PTGFRN: variants seen among roughly 807,000 people sequenced by gnomAD.
PTGFRN encodes prostaglandin F2 receptor inhibitor, also known as prostaglandin F2 receptor negative regulator.
In PTGFRN, 35 loss-of-function variants were observed where a neutral mutation model predicts 83.2. The ratio of observed to expected loss-of-function variants is 0.42; its 90% CI spans 0.32 to 0.56. The LOEUF is 0.56. Among genes scored for constraint, PTGFRN ranks in the 20% least tolerant of loss-of-function variants. PTGFRN has a pLI of 0.11. For synonymous variants in PTGFRN, 519 were observed against 498.6 expected (o/e 1.04, Z -0.55); for missense variants, 1,051 against 1,179.5 (o/e 0.89, Z 1.60).
intron 1 of PTGFRN, among the ~76,000 whole-genome samples, chr1:116,922,015 GA>G (rs1198323529): frequency 6.6e-6 from 1 of 152,178 alleles, no homozygotes; most frequent in Non-Finnish European, 1.5e-5. Context: ...ACTTCAGCTG[GA>G]AAAGTAATAG....
chr1:116,952,012 A>G lies in PTGFRN; in HGVS notation c.1213+2440A>G, dbSNP rs1214230795. ...GGTCATGTAACTCTGGAATGTTGTC[A>G]CAGAAAAGTTTTCGAGAGAGTTGGT... is the stretch of plus-strand genomic sequence containing the variant. On this transcript the variant is annotated intron_variant, in intron 4 of 8. Coordinates refer to ENST00000393203, the MANE Select transcript of PTGFRN (RefSeq NM_020440.4). The surrounding 1 kb of genome is among the most constrained non-coding windows in gnomAD (Gnocchi z 4.0). 2.6e-5 allele frequency among the ~76,000 whole-genome samples: 4 copies of G among 152,246 alleles called. No homozygotes were observed. The highest frequency in any genetic ancestry group is 6.5e-5 in the Admixed American group (1 of 15,284).
rs1191053416 is a variant in PTGFRN at position 116,966,873 on chromosome 1, CT to C, written c.1640-36del. 9 of 1,537,110 alleles carry C rather than the reference CT, an allele frequency of 5.9e-6. No homozygotes were observed. In the African/African-American group the frequency reaches 1.2e-4, roughly 21 times the overall value. ...TAGTTGCATTTTTATTTTAACTGAT[CT>C]TGTTGGAAATCACATCCTTCTGGTC... On this transcript the variant is annotated intron_variant, in intron 5 of 8. Transcript: ENST00000393203.
At chr1:116,926,329 T>C (rs951640172) in intron 1 of PTGFRN, among the ~76,000 whole-genome samples, 1 of 152,192 alleles carries the variant, frequency 6.6e-6, no homozygotes, top group African/African-American at 2.4e-5. Context: ...TGTTGGCCAG[T>C]TTGAACGTGG....
chr1:116,923,900 G>A lies in PTGFRN; in HGVS notation c.49+13648G>A, dbSNP rs1649593650. Among the ~76,000 whole-genome samples the A allele has an allele frequency of 6.6e-6, 1 of 152,120 alleles. No homozygotes were observed. Among genetic ancestry groups the A allele is most frequent in the Non-Finnish European group, 1.5e-5 (1 of 68,028 alleles). On this transcript the variant is annotated intron_variant, in intron 1 of 8. Transcript: ENST00000393203. This position sits in a 1 kb window ranked among gnomAD's most constrained non-coding sequence, Gnocchi z 4.0. ...GCACCTAAAAACATAGATCGACACA[G>A]TCCTTTGACTCCTCCAGCAACCAGT... is the stretch of plus-strand genomic sequence containing the variant.
Position 116,989,176 on chromosome 1 carries a change from T to A in PTGFRN, c.*2209T>A, listed in dbSNP as rs1651624766. On this transcript the variant is annotated 3_prime_UTR_variant, in exon 9 of 9. Coordinates refer to ENST00000393203, the MANE Select transcript of PTGFRN (RefSeq NM_020440.4). Reference sequence around the variant, plus strand: ...GGACTGAGTCACAGCAGACACTCGATGGTGGTAAATGTGATGGGTGCTTAC... The same window carrying A: ...GGACTGAGTCACAGCAGACACTCGAAGGTGGTAAATGTGATGGGTGCTTAC... The A allele has an allele frequency of 6.6e-6, 1 of 152,180 alleles. No individual in the cohort carries two copies. The highest frequency in any genetic ancestry group is 2.1e-4 in the South Asian group (1 of 4,834). The allele number at this position is 152,180 out of a possible 1,614,324, so 9.4% of individuals were successfully genotyped here. A position where few individuals can be genotyped will look rare whatever the true frequency, so the allele number is the denominator to read the frequency against.
chr1:116,922,840 G>A (rs1649571690), intron 1 of PTGFRN, among the ~76,000 whole-genome samples: 1 of 152,162 alleles, frequency 6.6e-6, no homozygotes, highest in Non-Finnish European at 1.5e-5. Flanking sequence ...CCTCCCACCA[G>A]TCCTTAGAAA....
chr1:116,957,554 T>C (rs1650534363), intron 4 of PTGFRN, among the ~76,000 whole-genome samples: 1 of 152,194 alleles, frequency 6.6e-6, no homozygotes, highest in African/African-American at 2.4e-5. Context: ...GAAATATGTA[T>C]ACATTGTTGA....
At position 116,918,582 on chromosome 1, in the gene PTGFRN, A is replaced by C. The variant is rs1479358645; in HGVS notation, c.49+8330A>C. Among the ~76,000 whole-genome samples, 1 of 152,208 alleles carries C rather than the reference A, an allele frequency of 6.6e-6. No individual in the cohort carries two copies. The highest frequency in any genetic ancestry group is 6.5e-5 in the Admixed American group (1 of 15,282). On this transcript the variant is annotated intron_variant, in intron 1 of 8. Transcript: ENST00000393203. The surrounding 1 kb of genome is among the most constrained non-coding windows in gnomAD (Gnocchi z 4.1). The stretch of plus-strand genomic sequence containing the variant: ...AGCATGTCTGGAGGAGGTTTGGCAT[A>C]CAAATTACTTGGTAGTCTGGGCTTT...
Position 116,944,713 on chromosome 1 carries a change from G to C in PTGFRN, c.453G>C (p.Ala151=). 1 of 1,414,048 alleles carries C rather than the reference G, an allele frequency of 7.1e-7. No individual in the cohort carries two copies. The highest frequency in any genetic ancestry group is 1.6e-5 in the South Asian group (1 of 63,054). 87.6% of individuals were successfully genotyped at this position (1,414,048 alleles called of 1,614,324 possible). ...LADSLHVGPS[A]RPPPSLSLRE... is the part of the protein sequence containing the mutation. Reference sequence around the variant, plus strand: ...ACTCCCTGCACGTGGGCCCCAGCGCGCGGCCCCCGCCGAGCCTGAGCCTGC... The same window carrying C: ...ACTCCCTGCACGTGGGCCCCAGCGCCCGGCCCCCGCCGAGCCTGAGCCTGC... Residue 151 remains alanine, a synonymous_variant, in exon 3 of 9, where the codon GCG becomes GCC. Coordinates refer to ENST00000393203, the MANE Select transcript of PTGFRN (RefSeq NM_020440.4).
At chr1:116,919,313 A>G (rs535442642) in intron 1 of PTGFRN, among the ~76,000 whole-genome samples, 104 of 152,270 alleles carry the variant, frequency 6.8e-4, no homozygotes, top group African/African-American at 2.4e-3. Context: ...ATGCAAGAGA[A>G]ACCAATATGA....
chr1:116,943,903 G>A (rs1650118438), intron 2 of PTGFRN, among the ~76,000 whole-genome samples: 1 of 152,158 alleles, frequency 6.6e-6, no homozygotes, highest in Admixed American at 6.5e-5. Flanking sequence ...GGATAAGCCT[G>A]ATAGATTTTT....
intron 5 of PTGFRN, among the ~76,000 whole-genome samples, chr1:116,965,199 C>T (rs1428017726): frequency 1.3e-5 from 2 of 152,212 alleles, no homozygotes; most frequent in East Asian, 1.9e-4. Context: ...GCCTGCTGTT[C>T]CATCAGTCTA....
At chr1:116,935,789 T>C (rs1398455829) in intron 1 of PTGFRN, among the ~76,000 whole-genome samples, 2 of 152,178 alleles carry the variant, frequency 1.3e-5, no homozygotes, top group African/African-American at 4.8e-5. Context: ...TGTACAATGG[T>C]CCATCAACAG....
intron 1 of PTGFRN, among the ~76,000 whole-genome samples, chr1:116,924,345 G>A (rs1295274304): frequency 1.3e-5 from 2 of 151,826 alleles, no homozygotes; most frequent in African/African-American, 4.8e-5. Flanking sequence ...TGGGGTTTCA[G>A]CATCTTGGCC....
In PTGFRN at chr1:116,977,615, A is replaced by G. The variant is rs1049758840; in HGVS notation, c.2167+3292A>G. The stretch of plus-strand genomic sequence containing the variant: ...TGGAAACTGAACAACCTGCTCCTGA[A>G]TGACTACTGGGTACATAATGAAATG... On this transcript the variant is annotated intron_variant, in intron 7 of 8. Transcript: ENST00000393203. 3.0e-4 allele frequency among the ~76,000 whole-genome samples: 45 copies of G among 152,246 alleles called. 1 individual carries two copies. Among genetic ancestry groups the G allele is most frequent in the Admixed American group, 2.0e-4 (3 of 15,280 alleles).
At chr1:116,939,420 G>T (rs1316766360) in intron 1 of PTGFRN, among the ~76,000 whole-genome samples, 2 of 152,252 alleles carry the variant, frequency 1.3e-5, no homozygotes. Flanking sequence ...GCCAAGGCTT[G>T]GGGCTTGCAC....
At position 116,989,202 on chromosome 1, in the gene PTGFRN, A is replaced by G. The variant is rs1379957206; in HGVS notation, c.*2235A>G. On this transcript the variant is annotated 3_prime_UTR_variant, in exon 9 of 9. Transcript: ENST00000393203. The stretch of plus-strand genomic sequence containing the variant: ...GGTGGTAAATGTGATGGGTGCTTAC[A>G]CACTGTACCTTTTCCTTTCATACTG... The G allele has an allele frequency of 6.6e-6, 1 of 152,150 alleles. No individual in the cohort carries two copies. Among genetic ancestry groups the G allele is most frequent in the Non-Finnish European group, 1.5e-5 (1 of 68,032 alleles). 9.4% of individuals were successfully genotyped at this position (152,150 alleles called of 1,614,324 possible). A position where few individuals can be genotyped will look rare whatever the true frequency, so the allele number is the denominator to read the frequency against.
At chr1:116,946,299 T>C (rs955447892) in intron 3 of PTGFRN, among the ~76,000 whole-genome samples, 1 of 152,052 alleles carries the variant, frequency 6.6e-6, no homozygotes, top group Non-Finnish European at 1.5e-5. Context: ...GAAAAGTGGG[T>C]GGTGGAAAAG....
At chr1:116,968,380 T>C (rs553511757) in intron 6 of PTGFRN, among the ~76,000 whole-genome samples, 20 of 152,224 alleles carry the variant, frequency 1.3e-4, no homozygotes, top group South Asian at 1.0e-3. Flanking sequence ...TATTATTTTC[T>C]ATTATTATAG....
Sources: allele counts gnomAD v4.1 joint callset (sites outside exome capture counted in the v4.1 genomes callset), GRCh38; gene constraint gnomAD v4.1.1; non-coding constraint Gnocchi (gnomAD v3.1); transcripts MANE v1.5; gene names NCBI Gene and HGNC (gene_info 2026-07-23, HGNC 2026-07-21).